PALM2AKAP2: variants seen among roughly 807,000 people sequenced by gnomAD.
PALM2AKAP2 encodes PALM2 and AKAP2 fusion, also known as PALM2-AKAP2 fusion protein.
In PALM2AKAP2, 37 loss-of-function variants were observed where a neutral mutation model predicts 71.5. The ratio of observed to expected loss-of-function variants is 0.52; its 90% CI spans 0.40 to 0.68. PALM2AKAP2 has a LOEUF of 0.68. PALM2AKAP2 is among the 30% of genes least tolerant of loss of function. The pLI is 0.00. For synonymous variants in PALM2AKAP2, 468 were observed against 478.8 expected, an observed-to-expected ratio of 0.98 and a Z score of 0.29; for missense variants, 1,224 against 1,191.8, an observed-to-expected ratio of 1.03 and a Z score of -0.40.
At chr9:110,049,500 C>G (rs1833667290) in intron 1 of PALM2AKAP2, among the ~76,000 whole-genome samples, 1 of 152,148 alleles carries the variant, frequency 6.6e-6, no homozygotes, top group South Asian at 2.1e-4. Context: ...AGAACGCGGT[C>G]CGGGTCCGAG....
chr9:109,792,836 T>A, intron 1 of PALM2AKAP2, among the ~76,000 whole-genome samples: 1 of 152,164 alleles, frequency 6.6e-6, no homozygotes, highest in East Asian at 1.9e-4. Flanking sequence ...GGATGCCCAG[T>A]GATTCCATGG....
intron 1 of PALM2AKAP2, among the ~76,000 whole-genome samples, chr9:109,708,561 G>A (rs544853581): frequency 9.9e-5 from 15 of 152,206 alleles, no homozygotes; most frequent in African/African-American, 2.9e-4. Flanking sequence ...CATGTGCACC[G>A]CCAAGACTTT....
chr9:109,752,737 GA>G (rs1334627180), intron 1 of PALM2AKAP2, among the ~76,000 whole-genome samples: 1 of 152,086 alleles, frequency 6.6e-6, no homozygotes. Flanking sequence ...TTATATAAAG[GA>G]ATGATAAGAA....
At position 109,725,199 on chromosome 9, in the gene PALM2AKAP2, G is replaced by C. The variant is rs535159492; in HGVS notation, c.6-55289G>C. Among the ~76,000 whole-genome samples, 13 of 152,254 alleles carry C rather than the reference G, an allele frequency of 8.5e-5. No individual in the cohort carries two copies. In the South Asian group the frequency reaches 2.7e-3, roughly 32 times the overall value. ...AAGAACATGGTGGGAACAGTATCAA[G>C]CCAACAATATTGGAGCTTGAGGTAA... is the stretch of plus-strand genomic sequence containing the variant. On this transcript the variant is annotated intron_variant, in intron 1 of 6. Coordinates refer to the PALM2AKAP2 transcript ENST00000374531.
intron 1 of PALM2AKAP2, among the ~76,000 whole-genome samples, chr9:110,132,162 C>T (rs141482112): frequency 1.3e-3 from 202 of 152,098 alleles, no homozygotes; most frequent in African/African-American, 4.7e-3. Context: ...AGCAATTCTC[C>T]TGCCTCGGCC....
intron 2 of PALM2AKAP2, among the ~76,000 whole-genome samples, chr9:109,871,053 A>G (rs1386899281): frequency 1.3e-5 from 2 of 152,230 alleles, no homozygotes; most frequent in East Asian, 1.9e-4. Context: ...CAATTATCAG[A>G]TAGCCTGTGG....
intron 1 of PALM2AKAP2, among the ~76,000 whole-genome samples, chr9:109,664,872 A>C (rs888818811): frequency 1.1e-4 from 17 of 152,276 alleles, no homozygotes; most frequent in African/African-American, 4.1e-4. Flanking sequence ...TATTTCTTGG[A>C]AGCTTTGTTT....
intron 1 of PALM2AKAP2, among the ~76,000 whole-genome samples, chr9:109,748,721 A>T (rs1828840695): frequency 6.6e-6 from 1 of 152,134 alleles, no homozygotes; most frequent in Admixed American, 6.5e-5. Context: ...TGCCATAACA[A>T]AGTACCAGAG....
intron 6 of PALM2AKAP2, chr9:109,942,762 TGGCCCAGAGGG>T (rs1400097776): frequency 6.2e-7 from 1 of 1,613,786 alleles, no homozygotes; most frequent in East Asian, 2.2e-5. Context: ...CATCTACCAT[TGGCCCAGAGGG>T]GGTCCATCAG....
At chr9:110,087,878 T>C (rs114749206) in intron 1 of PALM2AKAP2, among the ~76,000 whole-genome samples, 3,430 of 152,086 alleles carry the variant, frequency 0.023, 147 homozygotes, top group African/African-American at 0.078. Flanking sequence ...TGGTAATAAG[T>C]GCTGAGAAGG....
intron 6 of PALM2AKAP2, among the ~76,000 whole-genome samples, chr9:109,988,371 G>T (rs1048694903): frequency 2.6e-5 from 4 of 152,134 alleles, no homozygotes; most frequent in African/African-American, 9.7e-5. Context: ...TATAGTCATT[G>T]TGCCAGAATA....
chr9:110,158,097 G>A (rs1234817276), intron 3 of PALM2AKAP2, among the ~76,000 whole-genome samples: 1 of 152,190 alleles, frequency 6.6e-6, no homozygotes, highest in South Asian at 2.1e-4. Flanking sequence ...TTCCACTGCT[G>A]AACCTCACTG....
chr9:109,839,939 C>G (rs867286468), intron 1 of PALM2AKAP2, among the ~76,000 whole-genome samples: 3 of 152,118 alleles, frequency 2.0e-5, no homozygotes, highest in African/African-American at 7.2e-5. Context: ...GTCATACTAC[C>G]CAAAGTAATT....
intron 1 of PALM2AKAP2, among the ~76,000 whole-genome samples, chr9:109,780,820 G>A (rs1372047752): frequency 6.6e-6 from 1 of 152,160 alleles, no homozygotes; most frequent in African/African-American, 2.4e-5. Context: ...TGGGGTGGGG[G>A]GACGACTCCA....
intron 3 of PALM2AKAP2, among the ~76,000 whole-genome samples, chr9:109,899,082 C>A (rs911483249): frequency 6.6e-6 from 1 of 152,096 alleles, no homozygotes; most frequent in Non-Finnish European, 1.5e-5. Context: ...TATAGGCATT[C>A]TTTGATCTAA....
At chr9:109,762,861 G>A (rs188333196) in intron 1 of PALM2AKAP2, among the ~76,000 whole-genome samples, 4 of 152,300 alleles carry the variant, frequency 2.6e-5, no homozygotes, top group African/African-American at 9.6e-5. Context: ...CATTCCCCAG[G>A]GGGTGGAGGG....
At chr9:109,863,575 CTGG>C in intron 1 of PALM2AKAP2, among the ~76,000 whole-genome samples, 1 of 152,090 alleles carries the variant, frequency 6.6e-6, no homozygotes, top group Non-Finnish European at 1.5e-5. Flanking sequence ...CGAAGAGTTA[CTGG>C]TTTTGTCCTG....
At chr9:110,015,716 T>C (rs1483951336) in intron 6 of PALM2AKAP2, among the ~76,000 whole-genome samples, 2 of 152,192 alleles carry the variant, frequency 1.3e-5, no homozygotes, top group African/African-American at 4.8e-5. Flanking sequence ...CTATAAGATA[T>C]AGGATTTAGA....
At chr9:109,644,000 C>CA (rs1554702688) in intron 1 of PALM2AKAP2, among the ~76,000 whole-genome samples, 2 of 151,544 alleles carry the variant, frequency 1.3e-5, no homozygotes, top group African/African-American at 4.9e-5. Flanking sequence ...CAAGGGGTGG[C>CA]GGGGGTGTCA....
Sources: gnomAD v4.1 joint callset for allele counts (sites outside exome capture counted in the v4.1 genomes callset) on GRCh38, gnomAD v4.1.1 for gene constraint, MANE v1.5 for transcripts, NCBI Gene and HGNC (gene_info 2026-07-23, HGNC 2026-07-21) for gene names.